SF3B3: variants seen among roughly 807,000 people sequenced by gnomAD.
The protein encoded by SF3B3 is SAP 130.
A neutral mutation model predicts 139.2 loss-of-function variants in SF3B3; 33 were observed. The ratio of observed to expected loss-of-function variants is 0.24; its 90% confidence interval spans 0.18 to 0.32. The LOEUF (loss-of-function observed/expected upper bound fraction) is 0.32. Among genes scored for constraint, SF3B3 ranks in the 10% least tolerant of loss-of-function variants. The pLI is 1.00. For synonymous variants in SF3B3, 596 were observed against 563.6 expected, an observed-to-expected ratio of 1.06 and a Z score of -0.81; for missense variants, 818 against 1,509.4, an observed-to-expected ratio of 0.54 and a Z score of 7.59.
rs146335844 is a variant in SF3B3, at chr16:70,556,945, C to T, written c.1926C>T (p.Ile642=). The T allele has an allele frequency of 2.3e-4, 370 of 1,613,926 alleles. No homozygotes were observed. The highest frequency in any genetic ancestry group is 3.0e-4 in the Non-Finnish European group (350 of 1,179,994). Residue 642 remains isoleucine (I), a synonymous_variant, in exon 15 of 26, where the codon ATC becomes ATT. Transcript: ENST00000302516. ...CAGCCCAGCCTGAGTCCTTGTGTAT[C>T]GTGGAAATGGGTGGGACTGAGAAGC... ...ALPAQPESLC[I]VEMGGTEKQD... is the part of the protein sequence containing the mutation.
Position 70,576,149 on chromosome 16 carries a change from T to TA in SF3B3, c.*4337dup, listed in dbSNP as rs1393063640. On this transcript the variant is annotated 3_prime_UTR_variant, in exon 26 of 26. Transcript: ENST00000302516. ...ATGTGTCTGCTTCACAGTCCAGTGT[T>TA]ATGATCAGTAGCTGTGATGGACAAT... The TA allele has an allele frequency of 6.6e-6, 1 of 152,140 alleles. No homozygotes were observed. The highest frequency in any genetic ancestry group is 1.5e-5 in the Non-Finnish European group (1 of 68,012). The allele number at this position is 152,140 out of a possible 1,614,324, so 9.4% of individuals were successfully genotyped here. A position where few individuals can be genotyped will look rare whatever the true frequency, so the allele number is the denominator to read the frequency against.
At chr16:70,569,009 C>T (rs1597725143) in intron 22 of SF3B3, 34 bp from the exon 23 acceptor site, 1 of 1,511,258 alleles carries the variant, frequency 6.6e-7, no homozygotes, top group South Asian at 1.2e-5. Flanking sequence ...CAGGTCCGGG[C>T]CCCAGCAGTG....
chr16:70,529,395 C>G (rs2050098966), intron 3 of SF3B3, 196 bp downstream of exon 3: 1 of 571,570 alleles, frequency 1.7e-6, no homozygotes. Flanking sequence ...CTTAACACAC[C>G]TTTCTACTTC....
At chr16:70,528,757 A>C (rs2050091840) in intron 2 of SF3B3, 116 bp from the exon 3 acceptor site, 1 of 673,978 alleles carries the variant, frequency 1.5e-6, no homozygotes, top group African/African-American at 1.8e-5. Flanking sequence ...AGCTGGGATT[A>C]CAGGCATGTG....
At chr16:70,565,667 T>G (rs1597723414) in intron 20 of SF3B3, 143 bp downstream of exon 20, 2 of 723,498 alleles carry the variant, frequency 2.8e-6, no homozygotes, top group East Asian at 5.4e-5. Flanking sequence ...TGCTGGGGCC[T>G]TCTAGCTGCA....
Position 70,554,554 on chromosome 16 carries a change from C to T in SF3B3, c.1511C>T (p.Pro504Leu). ...VTDSGFLGTTPTLSCSLLGDD... is the reference protein window; with the variant it reads ...VTDSGFLGTTLTLSCSLLGDD... Reference sequence around the variant, plus strand: ...GACTCTGGGTTCCTGGGGACCACCCCGACCTTGTCCTGCTCCTTATTAGGA... The same window carrying T: ...GACTCTGGGTTCCTGGGGACCACCCTGACCTTGTCCTGCTCCTTATTAGGA... Residue 504 changes from proline (P) to leucine (L), a missense_variant, in exon 12 of 26, where the codon CCG (proline) becomes CTG (leucine). Pro to Leu is a moderately conservative substitution (Grantham distance 98). Coordinates refer to ENST00000302516, the MANE Select transcript of SF3B3 (RefSeq NM_012426.5). 1 of 1,614,150 alleles carries T rather than the reference C, an allele frequency of 6.2e-7. No homozygotes were observed. The highest frequency in any genetic ancestry group is 8.5e-7 in the Non-Finnish European group (1 of 1,180,010).
At chr16:70,544,316 AC>A in intron 9 of SF3B3, 121 bp from the exon 10 acceptor site, 1 of 647,940 alleles carries the variant, frequency 1.5e-6, no homozygotes, top group Non-Finnish European at 2.8e-6. Flanking sequence ...ACCTCTTTTC[AC>A]ATATTGATCA....
Position 70,523,824 on chromosome 16 carries a change from C to G in SF3B3, c.-175C>G, listed in dbSNP as rs1463142277. The G allele has an allele frequency of 8.8e-6, 5 of 565,476 alleles. No homozygotes were observed. Among genetic ancestry groups the G allele is most frequent in the African/African-American group, 7.6e-5 (4 of 52,580 alleles). The allele number at this position is 565,476 out of a possible 1,614,324, so 35.0% of individuals were successfully genotyped here. On this transcript the variant is annotated 5_prime_UTR_variant, in exon 1 of 26. Coordinates refer to ENST00000302516, the MANE Select transcript of SF3B3 (RefSeq NM_012426.5). ...CCGCGCGCCACCAGAATGTCCCTGTCTTGAGGTCTAATGGCGGACGCCAGT... is the reference window on the plus strand; with the variant it reads ...CCGCGCGCCACCAGAATGTCCCTGTGTTGAGGTCTAATGGCGGACGCCAGT...
At position 70,523,984 on chromosome 16, in the gene SF3B3, T is replaced by C. The variant is rs529753948; in HGVS notation, c.-71+56T>C. 34 of 420,742 alleles carry C rather than the reference T, an allele frequency of 8.1e-5. No individual in the cohort carries two copies. The East Asian group carries it at 1.1e-3, about 14-fold the overall frequency. 26.1% of individuals were successfully genotyped at this position (420,742 alleles called of 1,614,324 possible). On this transcript the variant is annotated intron_variant, in intron 1 of 25. Transcript: ENST00000302516. ...CCCGGGGAGGCGGAGACCGGCCATA[T>C]GGAAGGGGGACCCGAGACTTTGGCG...
intron 11 of SF3B3, among the ~76,000 whole-genome samples, chr16:70,552,408 T>C (rs1038296192): frequency 2.0e-5 from 3 of 152,218 alleles, no homozygotes. Context: ...GGTTCCAAAC[T>C]TGGTGTTATG....
At position 70,573,080 on chromosome 16, in the gene SF3B3, CAG is replaced by C. The variant is rs1186134632; in HGVS notation, c.*1270_*1271del. 1 of 152,210 alleles carries C rather than the reference CAG, an allele frequency of 6.6e-6. No homozygotes were observed. The highest frequency in any genetic ancestry group is 2.4e-5 in the African/African-American group (1 of 41,458). 9.4% of individuals were successfully genotyped at this position (152,210 alleles called of 1,614,324 possible). On this transcript the variant is annotated 3_prime_UTR_variant, in exon 26 of 26. Transcript: ENST00000302516. ...AATCTGAACCTCTCAGAGCCCAGAACAGAGGGTTCCTGACACTGTGACACTGT... is the reference window on the plus strand; with the variant it reads ...AATCTGAACCTCTCAGAGCCCAGAACAGGGTTCCTGACACTGTGACACTGT...
At chr16:70,525,761 A>C (rs748961158) in intron 1 of SF3B3, among the ~76,000 whole-genome samples, 1 of 151,792 alleles carries the variant, frequency 6.6e-6, no homozygotes, top group Non-Finnish European at 1.5e-5. Flanking sequence ...AAGTCAGGAG[A>C]TCGAGACCAT....
At chr16:70,545,434 A>G (rs1399105054) in intron 10 of SF3B3, among the ~76,000 whole-genome samples, 1 of 152,124 alleles carries the variant, frequency 6.6e-6, no homozygotes, top group Admixed American at 6.5e-5. Flanking sequence ...TTATTTAGTG[A>G]ATCTTTTATT....
chr16:70,553,052 G>A (rs916743750), intron 11 of SF3B3, among the ~76,000 whole-genome samples: 1 of 152,028 alleles, frequency 6.6e-6, no homozygotes, highest in Non-Finnish European at 1.5e-5. Context: ...AATTACAGGC[G>A]CCCACCACCA....
Position 70,565,245 on chromosome 16 carries a change from C to G in SF3B3, c.2644C>G (p.Leu882Val). Reference protein sequence around the residue: ...IQGNTLDLVQLEQNEAAFSVA... With the variant: ...IQGNTLDLVQVEQNEAAFSVA... ...AGGGAACACACTGGACCTTGTCCAG[C>G]TGGAACAGAATGAGGCAGCTTTTAG... Residue 882 changes from leucine to valine, a missense_variant, in exon 19 of 26, where the codon CTG becomes GTG. Physicochemically the swap from Leu to Val is conservative, Grantham distance 32. This residue lies in a region of SF3B3 where 145 missense variants were observed against 153.6 expected (regional missense o/e 0.94). Transcript: ENST00000302516. The G allele has an allele frequency of 6.2e-7, 1 of 1,614,222 alleles. No individual in the cohort carries two copies. Among genetic ancestry groups the G allele is most frequent in the Admixed American group, 1.7e-5 (1 of 60,020 alleles).
Position 70,555,172 on chromosome 16 carries a change from C to T in SF3B3, c.1676C>T (p.Thr559Ile). Residue 559 changes from threonine (T) to isoleucine (I), a missense_variant, in exon 13 of 26, where the codon ACA (threonine) becomes ATA (isoleucine). This residue lies in a region of SF3B3 where 170 missense variants were observed against 353.0 expected (regional missense o/e 0.48). Transcript: ENST00000302516. ...VNQRQVVIAL[T>I]GGELVYFEMD... is the part of the protein sequence containing the mutation. ...CAGCGACAAGTGGTGATTGCCCTGA[C>T]AGGAGGAGAGCTGGTCTATTTCGAG... 1 of 1,614,072 alleles carries T rather than the reference C, an allele frequency of 6.2e-7. No homozygotes were observed. Among genetic ancestry groups the T allele is most frequent in the Non-Finnish European group, 8.5e-7 (1 of 1,179,956 alleles).
At chr16:70,556,448 G>A (rs1264774008) in intron 14 of SF3B3, 114 bp downstream of exon 14, 5 of 1,191,370 alleles carry the variant, frequency 4.2e-6, no homozygotes, top group Non-Finnish European at 6.1e-6. Context: ...AGCTGGGTTA[G>A]AACCCAGAAT....
chr16:70,534,164 C>T (rs998362300), intron 5 of SF3B3, among the ~76,000 whole-genome samples: 3 of 152,064 alleles, frequency 2.0e-5, no homozygotes, highest in Non-Finnish European at 4.4e-5. Context: ...GATCTGAGGG[C>T]TAGTTAGAAG....
At chr16:70,542,855 G>C (rs540198284) in intron 9 of SF3B3, among the ~76,000 whole-genome samples, 1 of 151,568 alleles carries the variant, frequency 6.6e-6, no homozygotes, top group Admixed American at 6.6e-5. Flanking sequence ...CCTAGTAGCT[G>C]GGACTACAAG....
Sources: allele counts gnomAD v4.1 joint callset (sites outside exome capture counted in the v4.1 genomes callset), GRCh38; gene constraint gnomAD v4.1.1; regional missense constraint gnomAD v4.1.1; transcripts MANE v1.5; gene names NCBI Gene and HGNC (gene_info 2026-07-23, HGNC 2026-07-21).